The following AUTS2 variants were observed in gnomAD, a reference collection of about 807,000 sequenced individuals.
AUTS2 encodes the protein autism susceptibility gene 2 protein.
A neutral mutation model predicts 112.4 loss-of-function variants in AUTS2; 17 were observed. That is an observed-to-expected ratio of 0.15 (90% CI 0.10 to 0.23). The LOEUF is 0.23. AUTS2 is among the 10% of genes least tolerant of loss of function. The pLI is 1.00. For missense variants in AUTS2, 1,510 were observed against 1,701.6 expected (o/e 0.89, Z 1.98); for synonymous variants, 751 against 702.7 (o/e 1.07, Z -1.09).
chr7:69,760,561 C>T (rs911955349), intron 1 of AUTS2, among the ~76,000 whole-genome samples: 8 of 152,136 alleles, frequency 5.3e-5, no homozygotes, highest in East Asian at 1.9e-4. Context: ...CGGTGGCTCA[C>T]GCCTGTAATC....
intron 2 of AUTS2, among the ~76,000 whole-genome samples, chr7:70,041,082 A>C (rs1307076636): frequency 3.3e-5 from 5 of 152,180 alleles, no homozygotes; most frequent in Admixed American, 3.3e-4. Flanking sequence ...AAACTTTACA[A>C]GGAGTGAAAT....
chr7:69,601,954 A>C (rs139223765), intron 1 of AUTS2, among the ~76,000 whole-genome samples: 1,971 of 151,598 alleles, frequency 0.013, 28 homozygotes, highest in Middle Eastern at 0.031. Flanking sequence ...TGAGCTCAGC[A>C]ATCAAGAGGG....
chr7:70,074,178 G>A (rs896333669), intron 2 of AUTS2, among the ~76,000 whole-genome samples: 2 of 152,238 alleles, frequency 1.3e-5, no homozygotes, highest in African/African-American at 4.8e-5. Flanking sequence ...TACAAAATAT[G>A]TAGATTGATT....
chr7:70,437,455 A>G (rs760990384), intron 5 of AUTS2: 2 of 152,214 alleles, frequency 1.3e-5, no homozygotes, highest in South Asian at 4.1e-4. Flanking sequence ...TCTATCAGCA[A>G]TGGTTGATCT....
intron 4 of AUTS2, among the ~76,000 whole-genome samples, chr7:70,276,313 C>T (rs1234541983): frequency 1.3e-5 from 2 of 151,210 alleles, no homozygotes; most frequent in African/African-American, 2.4e-5. Context: ...TGCACAAATG[C>T]GTAAAGTACA....
chr7:69,804,532 T>C (rs1049470077), intron 1 of AUTS2, among the ~76,000 whole-genome samples: 9 of 152,246 alleles, frequency 5.9e-5, no homozygotes, highest in African/African-American at 1.4e-4. Context: ...AGAGCTGCCA[T>C]GATAGTTAAT....
Position 70,540,562 on chromosome 7 carries a change from G to A in AUTS2, c.690+104781G>A, listed in dbSNP as rs1415159745. 2.6e-5 allele frequency among the ~76,000 whole-genome samples: 4 copies of A among 152,166 alleles called. No homozygotes were observed. In the South Asian group the frequency reaches 8.3e-4, roughly 32 times the overall value. On this transcript the variant is annotated intron_variant, in intron 5 of 18. Transcript: ENST00000342771. The stretch of plus-strand genomic sequence containing the variant: ...GGCTCCTTGGTGCAGGAGCAGTCAA[G>A]CCTTCCTGGAGGTTGAAGATCACGT...
intron 1 of AUTS2, among the ~76,000 whole-genome samples, chr7:69,857,676 G>A (rs537111317): frequency 7.2e-5 from 11 of 152,206 alleles, no homozygotes; most frequent in African/African-American, 2.4e-4. Flanking sequence ...AATTAAATTC[G>A]TACTTTTGGA....
chr7:70,764,761 A>C lies in AUTS2; in HGVS notation c.1224A>C (p.Arg408Ser). Residue 408 changes from arginine to serine, a missense_variant, in exon 8 of 19, where the codon AGA (arginine) becomes AGC (serine). Transcript: ENST00000342771. ...SLSLNSLSSS[R>S]SSTPAKTQPA... ...TTTCTTGTTCCGATAGCAGCAGCAGAAGCAGCACTCCAGCGAAGACTCAGC... is the reference window on the plus strand; with the variant it reads ...TTTCTTGTTCCGATAGCAGCAGCAGCAGCAGCACTCCAGCGAAGACTCAGC... 1.4e-6 allele frequency: 1 copy of C among 738,070 alleles called. No individual in the cohort carries two copies. Among genetic ancestry groups the C allele is most frequent in the South Asian group, 1.5e-5 (1 of 67,992 alleles). 45.7% of individuals were successfully genotyped at this position (738,070 alleles called of 1,614,324 possible). A position where few individuals can be genotyped will look rare whatever the true frequency, so the allele number is the denominator to read the frequency against.
intron 5 of AUTS2, among the ~76,000 whole-genome samples, chr7:70,528,906 G>T (rs753339857): frequency 6.6e-6 from 1 of 152,138 alleles, no homozygotes; most frequent in Non-Finnish European, 1.5e-5. Context: ...CAAAGCAAAT[G>T]AAGGAGGATA....
intron 2 of AUTS2, among the ~76,000 whole-genome samples, chr7:69,933,670 G>GT (rs1422734707): frequency 1.3e-5 from 2 of 151,452 alleles, no homozygotes; most frequent in African/African-American, 4.8e-5. Flanking sequence ...TTTGTTTTTT[G>GT]TTTTTTGTTT....
chr7:69,653,235 G>T (rs186768528), intron 1 of AUTS2, among the ~76,000 whole-genome samples: 1 of 152,244 alleles, frequency 6.6e-6, no homozygotes, highest in Non-Finnish European at 1.5e-5. Context: ...AAGTGAGTTA[G>T]GTTCCTTATT....
At chr7:70,116,603 G>A (rs114537409) in intron 2 of AUTS2, among the ~76,000 whole-genome samples, 2,935 of 152,242 alleles carry the variant, frequency 0.019, 110 homozygotes, top group African/African-American at 0.067. Flanking sequence ...CAGCTCTAAT[G>A]TTTCTTATTG....
At position 70,791,367 on chromosome 7, in the gene AUTS2, G is replaced by C. The variant is rs13234635; in HGVS notation, c.*371G>C. ...ATGCAAAATTCTTTCAGATGAGGTGGGAAGGCCGTGTACATAGTTATGTAA... is the reference window on the plus strand; with the variant it reads ...ATGCAAAATTCTTTCAGATGAGGTGCGAAGGCCGTGTACATAGTTATGTAA... On this transcript the variant is annotated 3_prime_UTR_variant, in exon 19 of 19. Transcript: ENST00000342771. The C allele has an allele frequency of 0.078, 14,527 of 185,712 alleles. 888 individuals are homozygous for C. Among genetic ancestry groups the C allele is most frequent in the African/African-American group, 0.16 (7,037 of 42,814 alleles). 11.5% of individuals were successfully genotyped at this position (185,712 alleles called of 1,614,324 possible).
intron 6 of AUTS2, among the ~76,000 whole-genome samples, chr7:70,706,448 A>G (rs1382200814): frequency 6.6e-6 from 1 of 152,174 alleles, no homozygotes; most frequent in Non-Finnish European, 1.5e-5. Context: ...ATCCACAGGG[A>G]TCCACAGGGC....
chr7:69,612,792 C>T (rs1464428182), intron 1 of AUTS2, among the ~76,000 whole-genome samples: 2 of 152,186 alleles, frequency 1.3e-5, no homozygotes, highest in African/African-American at 4.8e-5. Flanking sequence ...TCTGTATTCT[C>T]TGCCTAAATG....
intron 4 of AUTS2, among the ~76,000 whole-genome samples, chr7:70,226,417 G>A (rs1811769258): frequency 6.7e-6 from 1 of 149,276 alleles, no homozygotes; most frequent in Admixed American, 6.8e-5. Flanking sequence ...GTGTTACTCA[G>A]GATGGTCTCA....
rs1338646441 is a variant in AUTS2 at position 69,807,562 on chromosome 7, AT to A, written c.310-91722del. On this transcript the variant is annotated intron_variant, in intron 1 of 18. Transcript: ENST00000342771. ...AGAGACCTGTTCTTGTTGCATTTAAATTCTTAGTGTAAATTTTTTTTTAGCT... is the reference window on the plus strand; with the variant it reads ...AGAGACCTGTTCTTGTTGCATTTAAATCTTAGTGTAAATTTTTTTTTAGCT... Among the ~76,000 whole-genome samples the A allele has an allele frequency of 4.6e-5, 7 of 152,200 alleles. No individual in the cohort carries two copies. In the East Asian group the frequency reaches 1.4e-3, roughly 29 times the overall value.
chr7:70,525,563 G>C (rs1465500720), intron 5 of AUTS2, among the ~76,000 whole-genome samples: 1 of 152,216 alleles, frequency 6.6e-6, no homozygotes, highest in Non-Finnish European at 1.5e-5. Context: ...TGAATATGGA[G>C]GAAGGAGTGA....
Sources: gnomAD v4.1 joint callset for allele counts (sites outside exome capture counted in the v4.1 genomes callset) on GRCh38, gnomAD v4.1.1 for gene constraint, MANE v1.5 for transcripts, NCBI Gene and HGNC (gene_info 2026-07-23, HGNC 2026-07-21) for gene names.